Variants in KIAA1958 observed in about 807,000 individuals in gnomAD.
KIAA1958 encodes KIAA1958, also known as uncharacterized protein KIAA1958.
In KIAA1958, 14 loss-of-function variants were observed where a neutral mutation model predicts 47.2. The ratio of observed to expected loss-of-function variants is 0.30; its 90% CI spans 0.20 to 0.46. KIAA1958 has a LOEUF of 0.46. Among genes scored for constraint, KIAA1958 ranks in the 20% least tolerant of loss-of-function variants. KIAA1958 has a pLI of 1.00. For missense variants in KIAA1958, 803 were observed against 909.2 expected (o/e 0.88, Z 1.50); for synonymous variants, 354 against 353.3 (o/e 1.00, Z -0.02).
At chr9:112,551,032 A>C (rs1269842554) in intron 1 of KIAA1958, among the ~76,000 whole-genome samples, 2 of 146,766 alleles carry the variant, frequency 1.4e-5, no homozygotes, top group African/African-American at 2.5e-5. Flanking sequence ...TTTACTGCAT[A>C]GTTGTTTTTT....
chr9:112,493,951 G>A (rs1348124377), intron 1 of KIAA1958, among the ~76,000 whole-genome samples: 1 of 152,140 alleles, frequency 6.6e-6, no homozygotes, highest in African/African-American at 2.4e-5. Flanking sequence ...CTGTGCCATT[G>A]CATTGCAAAA....
chr9:112,638,959 C>T (rs893346191), intron 2 of KIAA1958, among the ~76,000 whole-genome samples: 2 of 152,118 alleles, frequency 1.3e-5, no homozygotes, highest in Admixed American at 1.3e-4. Context: ...TCTTAAACTC[C>T]AAAAAGTTGC....
intron 1 of KIAA1958, among the ~76,000 whole-genome samples, chr9:112,573,058 C>G (rs1424183843): frequency 6.6e-6 from 1 of 152,154 alleles, no homozygotes; most frequent in African/African-American, 2.4e-5. Flanking sequence ...CCAGGACCCC[C>G]CTCTTGGCAG....
rs141105566 is a variant in KIAA1958 at position 112,509,267 on chromosome 9, C to T, written c.-25+22149C>T. 5.3e-3 allele frequency among the ~76,000 whole-genome samples: 773 copies of T among 145,020 alleles called. 3 individuals carry two copies. The highest frequency in any genetic ancestry group is 0.025 in the Middle Eastern group (6 of 238). On this transcript the variant is annotated intron_variant, in intron 1 of 3. Coordinates refer to ENST00000337530, the MANE Select transcript of KIAA1958 (RefSeq NM_133465.4). ...GCCTAGGCTGTAGTGTGCAATGGCA[C>T]GATCTTGGCTCACTGCATCCTCCCC...
At chr9:112,557,888 A>G (rs1021145025) in intron 1 of KIAA1958, among the ~76,000 whole-genome samples, 24 of 152,228 alleles carry the variant, frequency 1.6e-4, no homozygotes, top group African/African-American at 5.1e-4. Flanking sequence ...AATACCTAAT[A>G]TCATATTTAA....
intron 1 of KIAA1958, among the ~76,000 whole-genome samples, chr9:112,558,022 C>G (rs535060463): frequency 3.9e-5 from 6 of 152,056 alleles, no homozygotes; most frequent in African/African-American, 9.6e-5. Flanking sequence ...GTCAGGAGAT[C>G]GAGACCATCC....
At chr9:112,510,065 G>A (rs779484456) in intron 1 of KIAA1958, among the ~76,000 whole-genome samples, 3 of 152,176 alleles carry the variant, frequency 2.0e-5, no homozygotes, top group Non-Finnish European at 4.4e-5. Flanking sequence ...ACACAAATTT[G>A]CTCCTAAGAT....
rs1395024859 is a variant in KIAA1958, at chr9:112,574,731, A to T, written c.651A>T (p.Ala217=). ...AAGATTATTACATTGTGGCAAATGC[A>T]GAACTGACAGGAGGAGTAGATGGAC... ...IPEDYYIVAN[A]ELTGGVDGPA... Residue 217 remains alanine, a synonymous_variant, in exon 2 of 4, where the codon GCA becomes GCT. Transcript: ENST00000337530. The T allele has an allele frequency of 1.2e-6, 2 of 1,614,104 alleles. No individual in the cohort carries two copies. The highest frequency in any genetic ancestry group is 1.7e-6 in the Non-Finnish European group (2 of 1,180,036).
chr9:112,488,915 C>T (rs1833915606), intron 1 of KIAA1958, among the ~76,000 whole-genome samples: 1 of 152,104 alleles, frequency 6.6e-6, no homozygotes, highest in Non-Finnish European at 1.5e-5. Context: ...TTGTAAATGC[C>T]TGGAGCGTAG....
rs57805823 is a variant in KIAA1958, at chr9:112,631,534, G to GAAAAAAAAAAAAAAAAAAAAAAAAAAAA, written c.1172-14094_1172-14093insAAAAAAAAAAAAAAAAAAAAAAAAAAAA. Among the ~76,000 whole-genome samples the GAAAAAAAAAAAAAAAAAAAAAAAAAAAA allele has an allele frequency of 2.0e-5, 2 of 98,306 alleles. 1 individual carries two copies. The highest frequency in any genetic ancestry group is 4.1e-5 in the Non-Finnish European group (2 of 48,750). 64.5% of individuals were successfully genotyped at this position (98,306 alleles called of 152,430 possible). ...GAATAGAGCAAGAGCCTCTCTCAAA[G>GAAAAAAAAAAAAAAAAAAAAAAAAAAAA]AAAAAAAAAAAAAAAAAAAAAAGGA... On this transcript the variant is annotated intron_variant, in intron 2 of 3. Transcript: ENST00000337530.
chr9:112,596,121 A>AT (rs1836025787), intron 2 of KIAA1958, among the ~76,000 whole-genome samples: 2 of 152,184 alleles, frequency 1.3e-5, no homozygotes, highest in Non-Finnish European at 2.9e-5. Flanking sequence ...CAGTAAAAAA[A>AT]GCTGGGACCT....
intron 2 of KIAA1958, among the ~76,000 whole-genome samples, chr9:112,617,341 A>AT (rs773100701): frequency 6.5e-4 from 99 of 152,370 alleles, no homozygotes; most frequent in Non-Finnish European, 1.2e-3. Flanking sequence ...TAGAACAAGT[A>AT]TTTAATTAAC....
chr9:112,660,844 A>G lies in KIAA1958; in HGVS notation c.*775A>G, dbSNP rs548492716. Reference sequence around the variant, plus strand: ...GAAGGAAAATGGCTTGGAAAAGCCAATCTGTGATCAAAATGTGAAAACCTC... The same window carrying G: ...GAAGGAAAATGGCTTGGAAAAGCCAGTCTGTGATCAAAATGTGAAAACCTC... On this transcript the variant is annotated 3_prime_UTR_variant, in exon 4 of 4. Transcript: ENST00000337530. The G allele has an allele frequency of 1.3e-5, 2 of 152,346 alleles. No individual in the cohort carries two copies. The highest frequency in any genetic ancestry group is 1.3e-4 in the Admixed American group (2 of 15,308). 9.4% of individuals were successfully genotyped at this position (152,346 alleles called of 1,614,324 possible).
At chr9:112,581,088 G>A (rs543973142) in intron 2 of KIAA1958, among the ~76,000 whole-genome samples, 3 of 152,090 alleles carry the variant, frequency 2.0e-5, no homozygotes, top group Admixed American at 2.0e-4. Context: ...TCTTAGAGAT[G>A]AATAGAATCA....
At chr9:112,599,306 A>G (rs1836088607) in intron 2 of KIAA1958, among the ~76,000 whole-genome samples, 1 of 152,148 alleles carries the variant, frequency 6.6e-6, no homozygotes, top group Non-Finnish European at 1.5e-5. Context: ...CCTTATGTGT[A>G]TAGTGACCCT....
chr9:112,498,974 A>G lies in KIAA1958; in HGVS notation c.-25+11856A>G, dbSNP rs557955594. Reference sequence around the variant, plus strand: ...GAGCTCAAAAATTTATCTCCTACATATGAGTGAGAACATGTGGCATTTATT... The same window carrying G: ...GAGCTCAAAAATTTATCTCCTACATGTGAGTGAGAACATGTGGCATTTATT... On this transcript the variant is annotated intron_variant, in intron 1 of 3. Coordinates refer to ENST00000337530, the MANE Select transcript of KIAA1958 (RefSeq NM_133465.4). 1.1e-3 allele frequency among the ~76,000 whole-genome samples: 163 copies of G among 152,274 alleles called. 3 individuals are homozygous for G. The highest frequency in any genetic ancestry group is 3.8e-3 in the African/African-American group (156 of 41,554).
At chr9:112,633,470 T>G (rs1836745542) in intron 2 of KIAA1958, among the ~76,000 whole-genome samples, 1 of 152,200 alleles carries the variant, frequency 6.6e-6, no homozygotes, top group South Asian at 2.1e-4. Flanking sequence ...TAAGGATTTT[T>G]TAATGTTTTC....
intron 1 of KIAA1958, among the ~76,000 whole-genome samples, chr9:112,510,072 A>T (rs1355070932): frequency 6.6e-6 from 1 of 152,228 alleles, no homozygotes; most frequent in Non-Finnish European, 1.5e-5. Context: ...TTTGCTCCTA[A>T]GATCTTTGCA....
chr9:112,592,500 G>A (rs747786609), intron 2 of KIAA1958, among the ~76,000 whole-genome samples: 6 of 152,160 alleles, frequency 3.9e-5, no homozygotes, highest in East Asian at 1.9e-4. Context: ...TATAAAACAA[G>A]GAAAGTCATA....
Sources: allele counts gnomAD v4.1 joint callset (sites outside exome capture counted in the v4.1 genomes callset), GRCh38; gene constraint gnomAD v4.1.1; transcripts MANE v1.5; gene names NCBI Gene and HGNC (gene_info 2026-07-23, HGNC 2026-07-21).